OR4F16: variants seen among roughly 807,000 people sequenced by gnomAD.
OR4F16 encodes olfactory receptor 4F3/4F16/4F29.
At chr1:692,471 GTA>G in the OR4F16 span, among the ~76,000 whole-genome samples, 45 of 151,914 alleles carry the variant, frequency 3.0e-4, no homozygotes, top group African/African-American at 1.1e-3. Context: ...CTTCTCAAAG[GTA>G]TATGAGAATT....
upstream of OR4F16, among the ~76,000 whole-genome samples, chr1:690,853 C>T (rs964862566): frequency 7.4e-5 from 11 of 147,988 alleles, no homozygotes; most frequent in Non-Finnish European, 1.3e-4. Flanking sequence ...ATGGAGAAAT[C>T]GTAGGGAACA....
At chr1:690,028 T>C (rs1643035321), upstream of OR4F16, among the ~76,000 whole-genome samples, 1 of 131,500 alleles carries the variant, frequency 7.6e-6, no homozygotes, top group Non-Finnish European at 1.5e-5. Context: ...CATCTGGGGA[T>C]GCTACGGACT....
At chr1:690,060 A>T (rs201506971), upstream of OR4F16, among the ~76,000 whole-genome samples, 8 of 121,952 alleles carry the variant, frequency 6.6e-5, no homozygotes, top group Admixed American at 4.2e-4. Context: ...TTGCATTTAA[A>T]GGGGGAGAGA....
At chr1:715,861 A>T in the OR4F16 span, among the ~76,000 whole-genome samples, 1 of 151,258 alleles carries the variant, frequency 6.6e-6, no homozygotes, top group African/African-American at 2.5e-5. Flanking sequence ...ACTAAGCAAA[A>T]TAAGACATGT....
At chr1:679,886 C>T in the OR4F16 span, among the ~76,000 whole-genome samples, 2 of 121,400 alleles carry the variant, frequency 1.6e-5, no homozygotes, top group Non-Finnish European at 3.4e-5. Context: ...AATTCTGGTA[C>T]CAAAATTTGG....
downstream of OR4F16, among the ~76,000 whole-genome samples, chr1:682,745 CTTCA>C (rs1336858945): frequency 0.015 from 1,055 of 69,598 alleles, 9 homozygotes; most frequent in Middle Eastern, 0.057. Flanking sequence ...GAAGAAATAC[CTTCA>C]TTGTCTGTGG....
the OR4F16 span, among the ~76,000 whole-genome samples, chr1:715,734 AG>A: frequency 7.7e-6 from 1 of 130,454 alleles, no homozygotes; most frequent in Non-Finnish European, 1.6e-5. Flanking sequence ...TGGGAGGCTG[AG>A]GTGGAAGAAT....
chr1:690,886 ATAGC>A (rs1280079831), upstream of OR4F16, among the ~76,000 whole-genome samples: 1 of 148,228 alleles, frequency 6.7e-6, no homozygotes, highest in African/African-American at 2.6e-5. Flanking sequence ...ATATTCTAAA[ATAGC>A]TAGCAGAGAA....
the OR4F16 span, among the ~76,000 whole-genome samples, chr1:701,507 A>G: frequency 1.3e-5 from 2 of 150,470 alleles, no homozygotes; most frequent in Non-Finnish European, 2.9e-5. Flanking sequence ...GAAGTCTTCC[A>G]GAGAGGTTCT....
the OR4F16 span, among the ~76,000 whole-genome samples, chr1:676,866 T>A: frequency 8.6e-6 from 1 of 116,920 alleles, no homozygotes; most frequent in Admixed American, 7.6e-5. Context: ...CGAGCTCTGA[T>A]AAGGGTCAGA....
chr1:709,304 TATC>T, the OR4F16 span, among the ~76,000 whole-genome samples: 3 of 45,200 alleles, frequency 6.6e-5, no homozygotes, highest in African/African-American at 1.8e-4. Flanking sequence ...ATTTGGAAGA[TATC>T]ATAAGGTGAC....
At chr1:690,098 G>T (rs376262309), upstream of OR4F16, among the ~76,000 whole-genome samples, 8,104 of 111,232 alleles carry the variant, frequency 0.073, 230 homozygotes, top group Middle Eastern at 0.098. Flanking sequence ...TTATCGCCCT[G>T]TTGGACTCAC....
At chr1:693,140 T>C in the OR4F16 span, among the ~76,000 whole-genome samples, 1,211 of 146,642 alleles carry the variant, frequency 8.3e-3, 14 homozygotes, top group African/African-American at 0.031. Flanking sequence ...GGAAAAGGAA[T>C]CAATAAACTA....
At chr1:690,064 G>A (rs1643036951), upstream of OR4F16, among the ~76,000 whole-genome samples, 1 of 129,544 alleles carries the variant, frequency 7.7e-6, no homozygotes, top group African/African-American at 3.2e-5. Context: ...ATTTAAAGGG[G>A]GAGAGAAAGG....
At chr1:702,576 T>C in the OR4F16 span, among the ~76,000 whole-genome samples, 5 of 66,808 alleles carry the variant, frequency 7.5e-5, no homozygotes, top group Admixed American at 3.9e-4. Context: ...TAATATAAAG[T>C]ATAAATTTGT....
chr1:710,278 TGA>T, the OR4F16 span, among the ~76,000 whole-genome samples: 7 of 125,600 alleles, frequency 5.6e-5, no homozygotes, highest in South Asian at 2.1e-3. Context: ...GCAATAAAAA[TGA>T]GAAAACAAAA....
chr1:676,314 G>GT, the OR4F16 span, among the ~76,000 whole-genome samples: 1 of 190 alleles, frequency 5.3e-3, no homozygotes, highest in Admixed American at 0.021. Context: ...AGCTGCAGGA[G>GT]TTTTTTTTTT....
At chr1:715,875 G>T in the OR4F16 span, among the ~76,000 whole-genome samples, 1 of 150,664 alleles carries the variant, frequency 6.6e-6, no homozygotes, top group African/African-American at 2.5e-5. Flanking sequence ...GACATGTGAA[G>T]GATCATGTCA....
At chr1:701,578 C>T in the OR4F16 span, among the ~76,000 whole-genome samples, 1 of 150,212 alleles carries the variant, frequency 6.7e-6, no homozygotes, top group Non-Finnish European at 1.5e-5. Context: ...TACATATACA[C>T]CATGGAATAC....
Sources: allele counts gnomAD v4.1 joint callset (sites outside exome capture counted in the v4.1 genomes callset), GRCh38; gene constraint gnomAD v4.1.1; transcripts MANE v1.5; gene names NCBI Gene and HGNC (gene_info 2026-07-23, HGNC 2026-07-21).